Variants in TRABD2B observed in about 807,000 individuals in gnomAD.
TRABD2B encodes metalloprotease TIKI2.
TRABD2B carries 14 observed loss-of-function variants against 40.1 expected under a neutral mutation model. That is an observed-to-expected ratio of 0.35 (90% CI 0.23 to 0.55). TRABD2B has a LOEUF of 0.55. Ranked by LOEUF, TRABD2B falls within the 20% of genes least tolerant of loss-of-function variation. The pLI, the probability that TRABD2B is intolerant of heterozygous loss-of-function variation, is 0.90. For missense variants in TRABD2B, 541 were observed against 648.6 expected (o/e 0.83, Z 1.80); for synonymous variants, 263 against 277.0 (o/e 0.95, Z 0.50).
At chr1:47,925,013 A>T (rs1469009625) in intron 2 of TRABD2B, among the ~76,000 whole-genome samples, 1 of 152,210 alleles carries the variant, frequency 6.6e-6, no homozygotes, top group Non-Finnish European at 1.5e-5. Flanking sequence ...ATTCCTGGGA[A>T]GTCACCTAGC....
At chr1:47,953,762 A>G (rs1645379100) in intron 2 of TRABD2B, among the ~76,000 whole-genome samples, 1 of 152,218 alleles carries the variant, frequency 6.6e-6, no homozygotes, top group Non-Finnish European at 1.5e-5. Context: ...TTCAGAAGAC[A>G]CTTAGGAAAT....
At chr1:47,969,668 G>A (rs886898218) in intron 2 of TRABD2B, among the ~76,000 whole-genome samples, 14 of 152,186 alleles carry the variant, frequency 9.2e-5, no homozygotes, top group African/African-American at 2.2e-4. Flanking sequence ...GATCGAAGGC[G>A]TAGACACAAA....
At chr1:47,774,617 T>C (rs17458210) in intron 6 of TRABD2B, among the ~76,000 whole-genome samples, 12,931 of 152,118 alleles carry the variant, frequency 0.085, 742 homozygotes, top group Non-Finnish European at 0.13. Flanking sequence ...TAGGATGATT[T>C]CTCCTATCTG....
chr1:47,832,184 T>C (rs1043721108), intron 2 of TRABD2B, among the ~76,000 whole-genome samples: 3 of 152,034 alleles, frequency 2.0e-5, no homozygotes, highest in African/African-American at 7.2e-5. Context: ...AATACAAAAA[T>C]TGGCCAGGCA....
chr1:47,785,723 G>A (rs1644586611), intron 4 of TRABD2B, among the ~76,000 whole-genome samples: 2 of 152,200 alleles, frequency 1.3e-5, no homozygotes, highest in South Asian at 2.1e-4. Context: ...CCTGTGATGG[G>A]TTCTGTGAAC....
At chr1:47,800,008 A>ATTCC (rs10558762) in intron 3 of TRABD2B, among the ~76,000 whole-genome samples, 2,946 of 150,962 alleles carry the variant, frequency 0.02, 38 homozygotes, top group South Asian at 0.032. Flanking sequence ...AAACTATTTC[A>ATTCC]TTCCTTCCTT....
chr1:47,837,870 T>G (rs996838854), intron 2 of TRABD2B, among the ~76,000 whole-genome samples: 2 of 152,212 alleles, frequency 1.3e-5, no homozygotes, highest in Admixed American at 1.3e-4. Context: ...CAGATACTAT[T>G]ATAGCCCATG....
At chr1:47,960,799 T>C (rs937902512) in intron 2 of TRABD2B, among the ~76,000 whole-genome samples, 13 of 152,208 alleles carry the variant, frequency 8.5e-5, no homozygotes, top group African/African-American at 2.6e-4. Flanking sequence ...AGGTAATTTA[T>C]AGATTCAATG....
At chr1:47,777,856 G>A (rs1244323663) in intron 5 of TRABD2B, among the ~76,000 whole-genome samples, 1 of 152,212 alleles carries the variant, frequency 6.6e-6, no homozygotes, top group Non-Finnish European at 1.5e-5. Flanking sequence ...CAGATGGACT[G>A]AGCTGGTCCC....
At chr1:47,983,826 G>C (rs937638405) in intron 2 of TRABD2B, among the ~76,000 whole-genome samples, 1 of 151,946 alleles carries the variant, frequency 6.6e-6, no homozygotes, top group Non-Finnish European at 1.5e-5. Flanking sequence ...GGACGGGAGG[G>C]AACGCGGTCG....
intron 2 of TRABD2B, among the ~76,000 whole-genome samples, chr1:47,969,105 C>A (rs1447033465): frequency 1.3e-5 from 2 of 152,206 alleles, no homozygotes; most frequent in African/African-American, 4.8e-5. Context: ...GAAGCCACTA[C>A]CATTAGGTCC....
intron 2 of TRABD2B, among the ~76,000 whole-genome samples, chr1:47,902,714 C>T (rs951636821): frequency 1.3e-5 from 2 of 152,134 alleles, no homozygotes; most frequent in Non-Finnish European, 2.9e-5. Context: ...TCTTGAACTC[C>T]TGGCCTCAAG....
intron 2 of TRABD2B, among the ~76,000 whole-genome samples, chr1:47,833,671 C>T (rs1645279633): frequency 6.6e-6 from 1 of 152,206 alleles, no homozygotes; most frequent in South Asian, 2.1e-4. Context: ...ATACCCATAC[C>T]TTTTGCCACT....
intron 2 of TRABD2B, among the ~76,000 whole-genome samples, chr1:47,928,116 C>T (rs1282432229): frequency 1.3e-5 from 2 of 152,170 alleles, no homozygotes; most frequent in African/African-American, 4.8e-5. Context: ...TGGAACGTAA[C>T]CCCTTCATGT....
At chr1:47,810,205 T>C (rs1167179176) in intron 2 of TRABD2B, among the ~76,000 whole-genome samples, 1 of 151,804 alleles carries the variant, frequency 6.6e-6, no homozygotes, top group Non-Finnish European at 1.5e-5. Context: ...TTTATTATTA[T>C]TATTTTAAAT....
chr1:47,983,250 TG>T (rs1645867168), intron 2 of TRABD2B, among the ~76,000 whole-genome samples: 3 of 152,278 alleles, frequency 2.0e-5, no homozygotes, highest in African/African-American at 7.2e-5. Context: ...AAATACTGCA[TG>T]TTCTCACTTC....
intron 2 of TRABD2B, among the ~76,000 whole-genome samples, chr1:47,878,053 G>A (rs181228154): frequency 2.6e-5 from 4 of 151,604 alleles, no homozygotes; most frequent in Non-Finnish European, 4.4e-5. Flanking sequence ...GGTGGCTTAC[G>A]CCTGTAATCC....
At chr1:47,912,186 G>A (rs753395987) in intron 2 of TRABD2B, among the ~76,000 whole-genome samples, 65 of 152,128 alleles carry the variant, frequency 4.3e-4, no homozygotes, top group Non-Finnish European at 2.8e-4. Flanking sequence ...TTTCTGAGCC[G>A]TTCTCCTTGT....
At chr1:47,911,829 A>C (rs1381605880) in intron 2 of TRABD2B, among the ~76,000 whole-genome samples, 1 of 152,242 alleles carries the variant, frequency 6.6e-6, no homozygotes, top group East Asian at 1.9e-4. Context: ...TAAGAATTAC[A>C]TAACAGCAAC....
Sources: allele counts gnomAD v4.1 joint callset (sites outside exome capture counted in the v4.1 genomes callset), GRCh38; gene constraint gnomAD v4.1.1; transcripts MANE v1.5; gene names NCBI Gene and HGNC (gene_info 2026-07-23, HGNC 2026-07-21).